The following GPC3 variants were observed in gnomAD, a reference collection of about 807,000 sequenced individuals.
GPC3 encodes glypican 3.
Under a neutral mutation model 34.4 loss-of-function variants are expected in GPC3, and 3 were observed. The observed-to-expected ratio is 0.09, with a 90% CI of 0.04 to 0.23. The LOEUF is 0.23. GPC3 is among the 10% of genes least tolerant of loss of function. The probability of loss-of-function intolerance (pLI) is 1.00; values close to 1 mark genes in which losing one functional copy is unlikely to be tolerated. For missense variants in GPC3, 351 were observed against 445.6 expected (o/e 0.79, Z 1.91); for synonymous variants, 177 against 174.0 (o/e 1.02, Z -0.13).
chrX:133,581,027 C>T (rs1455461834), intron 7 of GPC3, among the ~76,000 whole-genome samples: 2 of 112,085 alleles, frequency 1.8e-5, no homozygotes, highest in Non-Finnish European at 3.8e-5. Context: ...AGGCTAATAC[C>T]GGCACACGGT....
intron 5 of GPC3, among the ~76,000 whole-genome samples, chrX:133,667,129 A>G (rs1353748836): frequency 2.7e-5 from 3 of 112,232 alleles, no homozygotes; most frequent in Non-Finnish European, 5.6e-5. Flanking sequence ...ATATGTACTC[A>G]TTGTTAAACG....
At chrX:133,701,468 G>T (rs945093345) in intron 3 of GPC3, among the ~76,000 whole-genome samples, 3 of 111,922 alleles carry the variant, frequency 2.7e-5, no homozygotes, top group African/African-American at 9.7e-5. Flanking sequence ...CCTTCCAGTG[G>T]CTTACATTCT....
At chrX:133,715,680 C>T (rs1205336589) in intron 3 of GPC3, among the ~76,000 whole-genome samples, 1 of 111,239 alleles carries the variant, frequency 9.0e-6, no homozygotes, top group Admixed American at 9.6e-5. Flanking sequence ...TACTTTGTAG[C>T]TGCCTGAAGC....
intron 5 of GPC3, among the ~76,000 whole-genome samples, chrX:133,689,366 C>A (rs183808386): frequency 1.8e-5 from 2 of 111,557 alleles, no homozygotes; most frequent in Non-Finnish European, 3.8e-5. Context: ...TATAAAAGTA[C>A]ATTTGGCTAA....
At chrX:133,575,715 G>A (rs886452501) in intron 7 of GPC3, among the ~76,000 whole-genome samples, 7 of 111,554 alleles carry the variant, frequency 6.3e-5, no homozygotes, top group East Asian at 2.8e-4. Context: ...TACTGAGGCC[G>A]GATGGTCATG....
At chrX:133,637,890 G>A (rs1258467287) in intron 6 of GPC3, among the ~76,000 whole-genome samples, 3 of 111,091 alleles carry the variant, frequency 2.7e-5, no homozygotes, top group Non-Finnish European at 3.8e-5. Flanking sequence ...TGATCCTCCC[G>A]CCTCAGCCTC....
At chrX:133,536,405 C>T (rs2069293102) in intron 7 of GPC3, 112 bp from the exon 8 acceptor site, 2 of 497,631 alleles carry the variant, frequency 4.0e-6, no homozygotes, top group Non-Finnish European at 6.9e-6. Flanking sequence ...AGCTTTGATT[C>T]CCTTTTTTAT....
intron 6 of GPC3, among the ~76,000 whole-genome samples, chrX:133,655,331 T>A (rs1603212318): frequency 9.0e-6 from 1 of 111,460 alleles, no homozygotes; most frequent in Middle Eastern, 4.6e-3. Flanking sequence ...ATCAGAGAAT[T>A]CCCTTTTACT....
chrX:133,781,573 T>C (rs1317399875), intron 2 of GPC3, among the ~76,000 whole-genome samples: 1 of 112,277 alleles, frequency 8.9e-6, no homozygotes, highest in Admixed American at 9.4e-5. Flanking sequence ...CTCCAGATAG[T>C]TTGGCAGAAG....
intron 2 of GPC3, among the ~76,000 whole-genome samples, chrX:133,937,900 G>A (rs2076329678): frequency 2.7e-5 from 3 of 111,468 alleles, no homozygotes; most frequent in South Asian, 3.8e-4. Context: ...TGTTCAATTC[G>A]AATTTCCCTC....
chrX:133,783,500 G>T (rs1026142575), intron 2 of GPC3, among the ~76,000 whole-genome samples: 1 of 111,937 alleles, frequency 8.9e-6, no homozygotes, highest in African/African-American at 3.2e-5. Context: ...ATGTTGGCCT[G>T]CAGCTGAGCA....
At chrX:133,890,033 TGCTGG>T (rs2076079568) in intron 2 of GPC3, among the ~76,000 whole-genome samples, 1 of 110,368 alleles carries the variant, frequency 9.1e-6, no homozygotes, top group Non-Finnish European at 1.9e-5. Flanking sequence ...CCTCCCAAAG[TGCTGG>T]GATTACAGGC....
chrX:133,628,881 G>A (rs778429169), intron 6 of GPC3, among the ~76,000 whole-genome samples: 8 of 111,182 alleles, frequency 7.2e-5, no homozygotes, highest in Non-Finnish European at 1.5e-4. Flanking sequence ...ATAATTCACA[G>A]TAAAAATTCT....
intron 2 of GPC3, among the ~76,000 whole-genome samples, chrX:133,868,657 C>T (rs1351619971): frequency 2.7e-5 from 3 of 112,048 alleles, no homozygotes; most frequent in Non-Finnish European, 5.6e-5. Context: ...GGGAGGATGA[C>T]TTCCATCCAG....
intron 2 of GPC3, among the ~76,000 whole-genome samples, chrX:133,840,598 TCATC>T (rs1238844540): frequency 5.4e-5 from 6 of 110,716 alleles, no homozygotes; most frequent in African/African-American, 1.3e-4. Flanking sequence ...ACTATCATCA[TCATC>T]ATCATCATCA....
chrX:133,771,729 G>A (rs1459470159), intron 2 of GPC3, among the ~76,000 whole-genome samples: 1 of 111,952 alleles, frequency 8.9e-6, no homozygotes, highest in Non-Finnish European at 1.9e-5. Flanking sequence ...CCTCTGGCCC[G>A]GAATGACCAA....
chrX:133,886,658 T>C (rs902957656), intron 2 of GPC3, among the ~76,000 whole-genome samples: 4 of 112,170 alleles, frequency 3.6e-5, no homozygotes, highest in African/African-American at 9.7e-5. Flanking sequence ...TCTCCTTCTA[T>C]GAGTTCTGAT....
At position 133,535,943 on chromosome X, in the gene GPC3, C is replaced by T; in HGVS notation, c.*181G>A. 1 of 434,442 alleles carries T rather than the reference C, an allele frequency of 2.3e-6. No homozygotes were observed. Among genetic ancestry groups the T allele is most frequent in the Non-Finnish European group, 4.0e-6 (1 of 250,703 alleles). The allele number at this position is 434,442 out of a possible 1,213,427, so 35.8% of individuals were successfully genotyped here. A position where few individuals can be genotyped will look rare whatever the true frequency, so the allele number is the denominator to read the frequency against. On this transcript the variant is annotated 3_prime_UTR_variant, in exon 8 of 8. Coordinates refer to ENST00000370818, the MANE Select transcript of GPC3 (RefSeq NM_004484.4). ...TATGCTACCACTAAAATGTATCTTC[C>T]TCCAAAAGATACCATTTGATTTTCG...
At chrX:133,671,107 G>A in intron 5 of GPC3, 1 of 829,619 alleles carries the variant, frequency 1.2e-6, no homozygotes. Context: ...GCCTAAGACA[G>A]GAAAAACTAG....
Sources: gnomAD v4.1 joint callset for allele counts (sites outside exome capture counted in the v4.1 genomes callset) on GRCh38, gnomAD v4.1.1 for gene constraint, MANE v1.5 for transcripts, NCBI Gene and HGNC (gene_info 2026-07-23, HGNC 2026-07-21) for gene names.